BRWD1: variants seen among roughly 807,000 people sequenced by gnomAD.
BRWD1 encodes bromodomain and WD repeat-containing protein 1.
In BRWD1, 82 loss-of-function variants were observed where a neutral mutation model predicts 251.2. The observed-to-expected ratio is 0.33, with a 90% CI of 0.27 to 0.39. The LOEUF is 0.39. Ranked by LOEUF, BRWD1 falls within the 10% of genes least tolerant of loss-of-function variation. The pLI, the probability that BRWD1 is intolerant of heterozygous loss-of-function variation, is 1.00. For synonymous variants in BRWD1, 918 were observed against 902.8 expected, an observed-to-expected ratio of 1.02 and a Z score of -0.30; for missense variants, 2,233 against 2,711.6, an observed-to-expected ratio of 0.82 and a Z score of 3.92.
At chr21:39,206,353 C>T (rs2032388325) in intron 36 of BRWD1, 79 bp from the exon 37 acceptor site, 6 of 1,090,718 alleles carry the variant, frequency 5.5e-6, no homozygotes. Flanking sequence ...CATTGAGATC[C>T]CTTGCAATGT....
intron 29 of BRWD1, among the ~76,000 whole-genome samples, chr21:39,220,632 TAATC>T (rs1831105357): frequency 6.6e-6 from 1 of 152,152 alleles, no homozygotes; most frequent in South Asian, 2.1e-4. Context: ...AGAGATTTAT[TAATC>T]AACCAACCAG....
chr21:39,279,645 AAAAAAAAAAAAG>A (rs1327982733), intron 9 of BRWD1, among the ~76,000 whole-genome samples: 25 of 124,246 alleles, frequency 2.0e-4, no homozygotes, highest in East Asian at 9.8e-4. Flanking sequence ...TCTCAAAAAA[AAAAAAAAAAAAG>A]AAAAAAAAAA....
chr21:39,312,859 G>T lies in BRWD1; in HGVS notation c.180C>A (p.Asn60Lys). The change falls in exon 4 of 41, where the codon AAC (asparagine) becomes AAA (lysine). Residue 60 changes from asparagine (N) to lysine (K), a missense_variant. Asn to Lys is a moderately conservative substitution (Grantham distance 94, BLOSUM62 0). This residue lies in a region of BRWD1 where 101 missense variants were observed against 95.6 expected (regional missense o/e 1.06). Transcript: ENST00000342449. ...TGCTCACCAACTCCTCGTAGCTCCTGTTGTGCTCGTTGCCCTCCCAGTCCA... is the reference window on the plus strand; with the variant it reads ...TGCTCACCAACTCCTCGTAGCTCCTTTTGTGCTCGTTGCCCTCCCAGTCCA... ...KRLDWEGNEH[N>K]RSYEELVLSN... 6.4e-7 allele frequency: 1 copy of T among 1,569,526 alleles called. No individual in the cohort carries two copies. Among genetic ancestry groups the T allele is most frequent in the Non-Finnish European group, 8.6e-7 (1 of 1,159,396 alleles).
Position 39,229,360 on chromosome 21 carries a change from A to C in BRWD1, c.3077T>G (p.Phe1026Cys). The change falls in exon 26 of 41, where the codon TTT becomes TGT. Residue 1026 changes from phenylalanine (F) to cysteine (C), a missense_variant. By Grantham distance (205) the Phe-to-Cys change is radical. Transcript: ENST00000342449. ...PPTLCCLKLA[F>C]IDPATGKLMD... ...AAGTTTTCCAGTTGCTGGATCTATAAATGCTAGTTTTAGGCAACAGAGTGT... is the reference window on the plus strand; with the variant it reads ...AAGTTTTCCAGTTGCTGGATCTATACATGCTAGTTTTAGGCAACAGAGTGT... The C allele has an allele frequency of 6.2e-7, 1 of 1,607,400 alleles. No individual in the cohort carries two copies. The highest frequency in any genetic ancestry group is 8.5e-7 in the Non-Finnish European group (1 of 1,174,230).
chr21:39,253,555 C>T (rs1045315647), intron 19 of BRWD1, among the ~76,000 whole-genome samples: 6 of 152,124 alleles, frequency 3.9e-5, no homozygotes, highest in African/African-American at 7.2e-5. Context: ...AAGACTTAGA[C>T]GCCAATTTAA....
Position 39,188,105 on chromosome 21 carries a change from G to A in BRWD1, c.*8154C>T, listed in dbSNP as rs1449758354. The A allele has an allele frequency of 2.0e-6, 2 of 985,300 alleles. No individual in the cohort carries two copies. Among genetic ancestry groups the A allele is most frequent in the African/African-American group, 1.7e-5 (1 of 57,228 alleles). 61.0% of individuals were successfully genotyped at this position (985,300 alleles called of 1,614,324 possible). On this transcript the variant is annotated 3_prime_UTR_variant, in exon 41 of 41. Coordinates refer to ENST00000342449, the MANE Select transcript of BRWD1 (RefSeq NM_033656.4). ...ACCAAACTTAGGAGGGCTCAGATAT[G>A]TTTGTTACCAGTGTCTCAAAGCCAA...
At chr21:39,279,638 CAAAAAAAAA>C (rs77282416) in intron 9 of BRWD1, among the ~76,000 whole-genome samples, 1 of 66,928 alleles carries the variant, frequency 1.5e-5, no homozygotes, top group Non-Finnish European at 2.5e-5. Flanking sequence ...GACTCCATCT[CAAAAAAAAA>C]AAAAAAAAAG....
chr21:39,225,382 C>T (rs1028869457), intron 27 of BRWD1, among the ~76,000 whole-genome samples, 185 bp from the exon 28 acceptor site: 1 of 152,102 alleles, frequency 6.6e-6, no homozygotes, highest in Non-Finnish European at 1.5e-5. Context: ...AGATTAAATG[C>T]ATTTCTAGAT....
At chr21:39,318,074 A>G (rs981656182), upstream of BRWD1, among the ~76,000 whole-genome samples, 3 of 152,182 alleles carry the variant, frequency 2.0e-5, no homozygotes, top group Middle Eastern at 3.2e-3. Flanking sequence ...AACTAAGGCT[A>G]ATAAAGTTTA....
intron 20 of BRWD1, among the ~76,000 whole-genome samples, chr21:39,249,915 GGTGTGTGTGTGTGT>G (rs368656743): frequency 6.4e-4 from 44 of 68,612 alleles, no homozygotes; most frequent in East Asian, 1.0e-3. Flanking sequence ...AAAGAAGGGG[GGTGTGTGTGTGTGT>G]GTGTGTGTGT....
intron 21 of BRWD1, among the ~76,000 whole-genome samples, chr21:39,245,929 G>A (rs2034174687): frequency 6.6e-6 from 1 of 151,866 alleles, no homozygotes; most frequent in African/African-American, 2.4e-5. Context: ...CAAAAAAGTT[G>A]GTTTCTCCCT....
chr21:39,270,405 T>C lies in BRWD1; in HGVS notation c.1273A>G (p.Met425Val). ...GDLSSEEERF[M>V]KPKVTMIAWN... Reference sequence around the variant, plus strand: ...GCTATCATTGTTACTTTAGGTTTCATAAACCTTTCCTCTTCGGAAGATAAG... The same window carrying C: ...GCTATCATTGTTACTTTAGGTTTCACAAACCTTTCCTCTTCGGAAGATAAG... The change falls in exon 14 of 41, where the codon ATG becomes GTG. Residue 425 changes from methionine to valine, a missense_variant. By Grantham distance (21) the Met-to-Val change is conservative. Coordinates refer to ENST00000342449, the MANE Select transcript of BRWD1 (RefSeq NM_033656.4). The C allele has an allele frequency of 1.9e-6, 3 of 1,611,094 alleles. No homozygotes were observed. The highest frequency in any genetic ancestry group is 2.2e-5 in the East Asian group (1 of 44,792).
intron 17 of BRWD1, among the ~76,000 whole-genome samples, chr21:39,261,358 G>A (rs62223010): frequency 0.038 from 5,725 of 152,230 alleles, 148 homozygotes; most frequent in Non-Finnish European, 0.056. Context: ...GTTCAAGTTC[G>A]CAGGAGCCAG....
chr21:39,301,222 C>T (rs2036102771), intron 4 of BRWD1, among the ~76,000 whole-genome samples: 1 of 151,486 alleles, frequency 6.6e-6, no homozygotes, highest in Non-Finnish European at 1.5e-5. Flanking sequence ...ATGTGAAAGG[C>T]AGCTTCTGAC....
chr21:39,214,708 G>A (rs1197329266), intron 32 of BRWD1, among the ~76,000 whole-genome samples: 1 of 151,752 alleles, frequency 6.6e-6, no homozygotes, highest in Non-Finnish European at 1.5e-5. Flanking sequence ...AAAGGCAAAT[G>A]GCAACTTTCT....
At chr21:39,290,032 A>C (rs1001378211) in intron 8 of BRWD1, among the ~76,000 whole-genome samples, 12 of 151,510 alleles carry the variant, frequency 7.9e-5, no homozygotes, top group Admixed American at 7.2e-4. Context: ...CTCAAAAAAA[A>C]AAAAAAAGAA....
chr21:39,296,432 T>A, intron 5 of BRWD1, 69 bp from the exon 6 acceptor site: 1 of 1,443,100 alleles, frequency 6.9e-7, no homozygotes. Flanking sequence ...TATAGAATAC[T>A]TACGTATATT....
Position 39,194,908 on chromosome 21 carries a change from T to C in BRWD1, c.*1351A>G. 2 of 1,516,864 alleles carry C rather than the reference T, an allele frequency of 1.3e-6. No homozygotes were observed. Among genetic ancestry groups the C allele is most frequent in the Non-Finnish European group, 1.8e-6 (2 of 1,136,756 alleles). The allele number at this position is 1,516,864 out of a possible 1,614,324, so 94.0% of individuals were successfully genotyped here. A position where few individuals can be genotyped will look rare whatever the true frequency, so the allele number is the denominator to read the frequency against. On this transcript the variant is annotated 3_prime_UTR_variant, in exon 41 of 41. Transcript: ENST00000342449. ...TTAGGGCTAATAAATAACTTACAGG[T>C]GGGGTACTGTAACATATCCCTTACC...
chr21:39,220,797 T>C (rs903298585), intron 29 of BRWD1, among the ~76,000 whole-genome samples: 4 of 152,128 alleles, frequency 2.6e-5, no homozygotes, highest in Admixed American at 6.6e-5. Flanking sequence ...GTGAATACTA[T>C]AAACACATTG....
Sources: gnomAD v4.1 joint callset for allele counts (sites outside exome capture counted in the v4.1 genomes callset) on GRCh38, gnomAD v4.1.1 for gene constraint, gnomAD v4.1.1 regional missense constraint, MANE v1.5 for transcripts, NCBI Gene and HGNC (gene_info 2026-07-23, HGNC 2026-07-21) for gene names.